Variants in RNF150 observed in about 807,000 individuals in gnomAD.
RNF150 encodes ring finger protein 150.
RNF150 carries 24 observed loss-of-function variants against 39.3 expected under a neutral mutation model. The observed-to-expected ratio is 0.61, with a 90% CI of 0.44 to 0.86. The LOEUF is 0.86. RNF150 is among the 40% of genes least tolerant of loss of function. The pLI is 0.00. For missense variants in RNF150, 502 were observed against 587.8 expected, an observed-to-expected ratio of 0.85 and a Z score of 1.51; for synonymous variants, 255 against 227.3, an observed-to-expected ratio of 1.12 and a Z score of -1.10.
At chr4:141,045,772 G>A (rs1205443763) in intron 1 of RNF150, among the ~76,000 whole-genome samples, 1 of 152,020 alleles carries the variant, frequency 6.6e-6, no homozygotes, top group Non-Finnish European at 1.5e-5. Context: ...TTGAACTCCT[G>A]ACCTCAGGTG....
At chr4:141,147,695 A>G (rs1727225929) in intron 1 of RNF150, among the ~76,000 whole-genome samples, 1 of 152,148 alleles carries the variant, frequency 6.6e-6, no homozygotes, top group South Asian at 2.1e-4. Flanking sequence ...CATTCCTACA[A>G]GGGTAGACTC....
At chr4:141,043,258 T>C (rs1000339514) in intron 1 of RNF150, among the ~76,000 whole-genome samples, 6 of 152,032 alleles carry the variant, frequency 3.9e-5, no homozygotes, top group Non-Finnish European at 8.8e-5. Flanking sequence ...CAAAATATGG[T>C]ACGTTTGTGA....
At chr4:141,190,677 A>G (rs1728095574) in intron 1 of RNF150, among the ~76,000 whole-genome samples, 1 of 152,208 alleles carries the variant, frequency 6.6e-6, no homozygotes, top group Admixed American at 6.5e-5. Context: ...AGAAAATAAA[A>G]GGATATTGTT....
chr4:141,035,938 AT>A (rs1578655692), intron 1 of RNF150, among the ~76,000 whole-genome samples: 1 of 152,174 alleles, frequency 6.6e-6, no homozygotes, highest in African/African-American at 2.4e-5. Flanking sequence ...GAAAAGCTGC[AT>A]CTCTGAGGTT....
At chr4:141,111,782 A>G (rs772976187) in intron 1 of RNF150, among the ~76,000 whole-genome samples, 1 of 152,198 alleles carries the variant, frequency 6.6e-6, no homozygotes, top group Admixed American at 6.6e-5. Flanking sequence ...AAAATTCTAA[A>G]CAAAATATAC....
chr4:141,046,849 A>G (rs1314054166), intron 1 of RNF150, among the ~76,000 whole-genome samples: 2 of 152,180 alleles, frequency 1.3e-5, no homozygotes, highest in Non-Finnish European at 2.9e-5. Flanking sequence ...AAAATGAGAT[A>G]TCTTGCATGT....
intron 1 of RNF150, among the ~76,000 whole-genome samples, chr4:140,982,700 A>C (rs1311600913): frequency 6.6e-6 from 1 of 152,132 alleles, no homozygotes; most frequent in Non-Finnish European, 1.5e-5. Flanking sequence ...TTTTATTAAA[A>C]TAACAATGAA....
intron 1 of RNF150, among the ~76,000 whole-genome samples, chr4:140,979,215 C>A (rs1207657201): frequency 1.3e-5 from 2 of 152,060 alleles, no homozygotes; most frequent in African/African-American, 4.8e-5. Context: ...CAGACCAAAC[C>A]GTTGTTGTTC....
intron 6 of RNF150, among the ~76,000 whole-genome samples, chr4:140,905,192 A>G (rs936995784): frequency 6.6e-6 from 1 of 152,234 alleles, no homozygotes; most frequent in Non-Finnish European, 1.5e-5. Context: ...GTGCATTTTG[A>G]AAAGTATTCA....
intron 1 of RNF150, among the ~76,000 whole-genome samples, chr4:141,168,542 C>T (rs1350138843): frequency 3.9e-5 from 6 of 152,138 alleles, no homozygotes; most frequent in African/African-American, 1.4e-4. Flanking sequence ...TCGGAACCAA[C>T]CCAAATGCCC....
intron 6 of RNF150, among the ~76,000 whole-genome samples, chr4:140,894,602 ATTGGTGCATGCT>A (rs1407135947): frequency 6.6e-6 from 1 of 152,160 alleles, no homozygotes; most frequent in Non-Finnish European, 1.5e-5. Flanking sequence ...CCCTCCTTTG[ATTGGTGCATGCT>A]TTGTTTAACA....
At chr4:141,198,218 G>A (rs370174992) in intron 1 of RNF150, among the ~76,000 whole-genome samples, 5 of 151,824 alleles carry the variant, frequency 3.3e-5, no homozygotes, top group African/African-American at 4.8e-5. Context: ...GTAGAGACGC[G>A]GTTTCACCAT....
At chr4:141,155,538 A>G (rs547423439) in intron 1 of RNF150, among the ~76,000 whole-genome samples, 1 of 152,308 alleles carries the variant, frequency 6.6e-6, no homozygotes, top group Admixed American at 6.5e-5. Context: ...AATGGGTTGG[A>G]TAAGTATACA....
At chr4:140,949,472 T>C (rs1408406462) in intron 2 of RNF150, 100 bp from the exon 3 acceptor site, 2 of 973,110 alleles carry the variant, frequency 2.1e-6, no homozygotes, top group Non-Finnish European at 3.2e-6. Context: ...TCTGAAATCA[T>C]GCACATGTGG....
chr4:141,056,351 CA>C (rs1736971659), intron 1 of RNF150, among the ~76,000 whole-genome samples: 1 of 152,068 alleles, frequency 6.6e-6, no homozygotes. Context: ...GCCTGGGCAA[CA>C]TAGTGAGACT....
At chr4:140,995,691 A>G (rs1490452250) in intron 1 of RNF150, among the ~76,000 whole-genome samples, 1 of 151,978 alleles carries the variant, frequency 6.6e-6, no homozygotes, top group Non-Finnish European at 1.5e-5. Context: ...AGTTGTTTTT[A>G]TTTTTAGCTT....
At chr4:141,158,767 A>T (rs1727463987) in intron 1 of RNF150, among the ~76,000 whole-genome samples, 1 of 148,164 alleles carries the variant, frequency 6.7e-6, no homozygotes. Flanking sequence ...CCACATTGTT[A>T]TATTCCAAGG....
intron 1 of RNF150, among the ~76,000 whole-genome samples, chr4:141,119,167 G>C (rs1214644686): frequency 2.0e-5 from 3 of 152,238 alleles, no homozygotes; most frequent in Admixed American, 6.5e-5. Flanking sequence ...GAAAACTTGA[G>C]ATTTCTCTCA....
At chr4:141,112,525 C>A (rs1023136186) in intron 1 of RNF150, among the ~76,000 whole-genome samples, 3 of 152,076 alleles carry the variant, frequency 2.0e-5, no homozygotes, top group Non-Finnish European at 2.9e-5. Context: ...GTTGAAAATT[C>A]TTTTCTTTAA....
Sources: allele counts gnomAD v4.1 joint callset (sites outside exome capture counted in the v4.1 genomes callset), GRCh38; gene constraint gnomAD v4.1.1; transcripts MANE v1.5; gene names NCBI Gene and HGNC (gene_info 2026-07-23, HGNC 2026-07-21).